The following NBAS variants were observed in gnomAD, a reference collection of about 807,000 sequenced individuals.
NBAS encodes NBAS subunit of NRZ tethering complex, also known as NAG/BC035112 fusion.
Under a neutral mutation model 302.5 loss-of-function variants are expected in NBAS, and 219 were observed. That is an observed-to-expected ratio of 0.72 (90% CI 0.65 to 0.81). The LOEUF (loss-of-function observed/expected upper bound fraction) is 0.81. Ranked by LOEUF, NBAS falls within the 30% of genes least tolerant of loss-of-function variation. NBAS has a pLI of 0.00. For missense variants in NBAS, 2,932 were observed against 2,841.6 expected, an observed-to-expected ratio of 1.03 and a Z score of -0.72; for synonymous variants, 1,118 against 1,021.6, an observed-to-expected ratio of 1.09 and a Z score of -1.80.
chr2:15,509,104 G>T (rs1662014642), intron 10 of NBAS, among the ~76,000 whole-genome samples: 1 of 152,254 alleles, frequency 6.6e-6, no homozygotes, highest in African/African-American at 2.4e-5. Flanking sequence ...CTACAGATAT[G>T]AACTAATGTG....
the NBAS span, among the ~76,000 whole-genome samples, chr2:14,839,182 C>T: frequency 2.5e-4 from 37 of 145,282 alleles, no homozygotes; most frequent in African/African-American, 8.8e-4. Flanking sequence ...TTCCTGGGGC[C>T]ACAGAGAAAA....
At chr2:14,807,760 C>G in the NBAS span, among the ~76,000 whole-genome samples, 1 of 152,068 alleles carries the variant, frequency 6.6e-6, no homozygotes, top group Admixed American at 6.6e-5. Context: ...CATTCAATAC[C>G]TACATGAGCC....
chr2:14,871,656 AAG>A, the NBAS span, among the ~76,000 whole-genome samples: 212 of 152,262 alleles, frequency 1.4e-3, 3 homozygotes, highest in African/African-American at 4.9e-3. Context: ...GGAGAGGAGA[AAG>A]AGAAGTATAT....
the NBAS span, among the ~76,000 whole-genome samples, chr2:14,995,846 C>A: frequency 6.6e-6 from 1 of 152,138 alleles, no homozygotes; most frequent in Admixed American, 6.5e-5. Flanking sequence ...CTCAGCCTCC[C>A]AAGTAGCTAG....
At chr2:15,020,255 T>G in the NBAS span, among the ~76,000 whole-genome samples, 3 of 152,328 alleles carry the variant, frequency 2.0e-5, no homozygotes, top group East Asian at 5.8e-4. Context: ...ATTATGAAAT[T>G]ATTAATAACC....
At chr2:15,351,900 ACAC>A (rs1197152655) in intron 35 of NBAS, 89 bp downstream of exon 35, 20 of 780,378 alleles carry the variant, frequency 2.6e-5, no homozygotes, top group African/African-American at 2.5e-4. Context: ...ACACACACAC[ACAC>A]AAAACCCCTC....
At chr2:15,536,397 G>T in intron 8 of NBAS, 21 bp downstream of exon 8, 1 of 1,610,134 alleles carries the variant, frequency 6.2e-7, no homozygotes. Context: ...TTCAAATATG[G>T]CTTCCAAAGC....
the NBAS span, among the ~76,000 whole-genome samples, chr2:14,981,067 A>C: frequency 2.0e-5 from 3 of 152,266 alleles, no homozygotes; most frequent in East Asian, 3.9e-4. Context: ...ATGAGAGGAA[A>C]AAAAAACAGA....
chr2:15,428,008 A>G (rs1247564268), intron 21 of NBAS, among the ~76,000 whole-genome samples: 1 of 152,236 alleles, frequency 6.6e-6, no homozygotes, highest in Non-Finnish European at 1.5e-5. Flanking sequence ...AAGAAAAATT[A>G]CAAATAAAAA....
intron 47 of NBAS, among the ~76,000 whole-genome samples, chr2:15,226,399 AACTT>A (rs1358285212): frequency 6.6e-6 from 1 of 152,200 alleles, no homozygotes; most frequent in Non-Finnish European, 1.5e-5. Context: ...TTTTAAAGAA[AACTT>A]ACTTTTCTTA....
the NBAS span, among the ~76,000 whole-genome samples, chr2:15,022,767 T>G: frequency 3.9e-4 from 59 of 152,314 alleles, no homozygotes; most frequent in African/African-American, 1.4e-3. Context: ...CCTGTCCTGC[T>G]TCTATTTGCA....
intron 45 of NBAS, among the ~76,000 whole-genome samples, 195 bp from the exon 46 acceptor site, chr2:15,234,942 T>C (rs1271349051): frequency 6.6e-6 from 1 of 152,224 alleles, no homozygotes; most frequent in East Asian, 1.9e-4. Flanking sequence ...ATTCTGGCTT[T>C]ACCATTTATT....
intron 1 of NBAS, 139 bp downstream of exon 1, chr2:15,561,049 G>T (rs1321339143): frequency 2.7e-6 from 1 of 376,674 alleles, no homozygotes; most frequent in Non-Finnish European, 5.2e-6. Flanking sequence ...AGGTGCCGTT[G>T]CCAAGGCGAC....
the NBAS span, among the ~76,000 whole-genome samples, chr2:14,883,818 G>C: frequency 2.6e-5 from 4 of 151,718 alleles, no homozygotes; most frequent in East Asian, 7.8e-4. Flanking sequence ...AAAAATACCT[G>C]GGCGTGGTGG....
At chr2:14,945,770 T>C in the NBAS span, among the ~76,000 whole-genome samples, 1 of 151,562 alleles carries the variant, frequency 6.6e-6, no homozygotes, top group Non-Finnish European at 1.5e-5. Context: ...TGAAAAGAAA[T>C]AAAAATCACC....
chr2:15,311,430 G>C (rs1208693687), intron 38 of NBAS, among the ~76,000 whole-genome samples: 1 of 152,130 alleles, frequency 6.6e-6, no homozygotes, highest in African/African-American at 2.4e-5. Flanking sequence ...ACAGGCTTGA[G>C]TAAGCAAATT....
chr2:15,180,337 C>T (rs1474605750), intron 50 of NBAS: 1 of 152,190 alleles, frequency 6.6e-6, no homozygotes. Flanking sequence ...ATGATCAATA[C>T]CAGCAGGGTA....
At chr2:15,405,571 T>C (rs891443421) in intron 25 of NBAS, among the ~76,000 whole-genome samples, 1 of 152,118 alleles carries the variant, frequency 6.6e-6, no homozygotes, top group Non-Finnish European at 1.5e-5. Flanking sequence ...TTCCACACCA[T>C]AGGCCGCAGA....
At chr2:15,418,185 A>G (rs2148465202) in intron 23 of NBAS, among the ~76,000 whole-genome samples, 1 of 152,344 alleles carries the variant, frequency 6.6e-6, no homozygotes, top group South Asian at 2.1e-4. Context: ...GCCTTTCCAT[A>G]TAAAAGTCAT....
Sources: allele counts gnomAD v4.1 joint callset (sites outside exome capture counted in the v4.1 genomes callset), GRCh38; gene constraint gnomAD v4.1.1; transcripts MANE v1.5; gene names NCBI Gene and HGNC (gene_info 2026-07-23, HGNC 2026-07-21).